RALGPS1: variants seen among roughly 807,000 people sequenced by gnomAD.
RALGPS1 encodes the protein Ral GEF with PH domain and SH3 binding motif 1.
A neutral mutation model predicts 78.8 loss-of-function variants in RALGPS1; 19 were observed. The observed-to-expected ratio is 0.24, with a 90% confidence interval of 0.17 to 0.35. The LOEUF (loss-of-function observed/expected upper bound fraction) is 0.35. Ranked by LOEUF, RALGPS1 falls within the 10% of genes least tolerant of loss-of-function variation. The probability of loss-of-function intolerance (pLI) is 1.00; values close to 1 mark genes in which losing one functional copy is unlikely to be tolerated. For missense variants in RALGPS1, 454 were observed against 688.3 expected (o/e 0.66, Z 3.81); for synonymous variants, 228 against 256.3 (o/e 0.89, Z 1.06).
chr9:126,931,257 A>G (rs1178354564), intron 1 of RALGPS1, among the ~76,000 whole-genome samples: 1 of 151,756 alleles, frequency 6.6e-6, no homozygotes, highest in Non-Finnish European at 1.5e-5. Flanking sequence ...CAGGAAATGT[A>G]ATCTACACTC....
rs1240500328 is a variant in RALGPS1 at position 127,222,479 on chromosome 9, C to A, written c.*3710C>A. On this transcript the variant is annotated 3_prime_UTR_variant, in exon 19 of 19. Coordinates refer to ENST00000259351, the MANE Select transcript of RALGPS1 (RefSeq NM_014636.3). The stretch of plus-strand genomic sequence containing the variant: ...CTCCATAGGTTTCTGTTTTTAATTT[C>A]AATGTTAAATACAACTACAATATGA... The A allele has an allele frequency of 1.3e-5, 2 of 152,206 alleles. No homozygotes were observed. Among genetic ancestry groups the A allele is most frequent in the Admixed American group, 6.5e-5 (1 of 15,286 alleles). The allele number at this position is 152,206 out of a possible 1,614,324, so 9.4% of individuals were successfully genotyped here.
chr9:127,162,847 C>G (rs532017688), intron 8 of RALGPS1, among the ~76,000 whole-genome samples: 1 of 152,288 alleles, frequency 6.6e-6, no homozygotes, highest in South Asian at 2.1e-4. Context: ...AAGGCAACTC[C>G]CTCTGTGTTT....
intron 1 of RALGPS1, among the ~76,000 whole-genome samples, chr9:126,945,267 C>T (rs1041890955): frequency 1.3e-5 from 2 of 152,116 alleles, no homozygotes; most frequent in African/African-American, 2.4e-5. Flanking sequence ...GGCACAATCT[C>T]GGCTCACTGC....
chr9:126,990,011 G>T, intron 4 of RALGPS1: 1 of 1,549,898 alleles, frequency 6.5e-7, no homozygotes, highest in Non-Finnish European at 8.7e-7. Flanking sequence ...TGACCCTCTG[G>T]CCTTTTGTCT....
chr9:126,956,554 A>G (rs1236331221), intron 1 of RALGPS1, among the ~76,000 whole-genome samples: 1 of 152,094 alleles, frequency 6.6e-6, no homozygotes, highest in African/African-American at 2.4e-5. Flanking sequence ...GTAACACACT[A>G]CGGCTGCCAT....
intron 8 of RALGPS1, among the ~76,000 whole-genome samples, chr9:127,135,528 G>A (rs1017219701): frequency 6.6e-6 from 1 of 152,242 alleles, no homozygotes; most frequent in African/African-American, 2.4e-5. Flanking sequence ...AGGAGCCAGG[G>A]CAAAGCCAAA....
At chr9:126,964,365 A>C (rs1364674208) in intron 2 of RALGPS1, among the ~76,000 whole-genome samples, 1 of 135,298 alleles carries the variant, frequency 7.4e-6, no homozygotes, top group Admixed American at 7.7e-5. Flanking sequence ...CGAGACTCCC[A>C]CTCAAAAAAA....
At chr9:126,931,894 ATGTGTCCAGACATTTTTC>A in intron 1 of RALGPS1, among the ~76,000 whole-genome samples, 1 of 152,302 alleles carries the variant, frequency 6.6e-6, no homozygotes, top group East Asian at 1.9e-4. Context: ...TACCTGGGGT[ATGTGTCCAGACATTTTTC>A]TGTGTGTCTG....
intron 7 of RALGPS1, among the ~76,000 whole-genome samples, chr9:127,062,635 G>A (rs890520502): frequency 1.3e-5 from 2 of 152,084 alleles, no homozygotes; most frequent in Admixed American, 1.3e-4. Flanking sequence ...ATTTTATGAG[G>A]CATAATTTGC....
intron 1 of RALGPS1, among the ~76,000 whole-genome samples, chr9:126,940,376 T>C (rs571571061): frequency 6.6e-6 from 1 of 152,058 alleles, no homozygotes; most frequent in African/African-American, 2.4e-5. Context: ...ACATACTGAA[T>C]AGTGTTTATG....
intron 10 of RALGPS1, among the ~76,000 whole-genome samples, chr9:127,173,818 A>G (rs2059690509): frequency 6.6e-6 from 1 of 152,056 alleles, no homozygotes; most frequent in Non-Finnish European, 1.5e-5. Flanking sequence ...TTCGAGACCA[A>G]CCTGGGCAAC....
Position 127,122,067 on chromosome 9 carries a change from G to A in RALGPS1, c.611-44002G>A, listed in dbSNP as rs928884787. Among the ~76,000 whole-genome samples the A allele has an allele frequency of 6.6e-6, 1 of 152,196 alleles. No homozygotes were observed. Among genetic ancestry groups the A allele is most frequent in the Non-Finnish European group, 1.5e-5 (1 of 68,030 alleles). On this transcript the variant is annotated intron_variant, in intron 8 of 18. Transcript: ENST00000259351. This position sits in a 1 kb window ranked among gnomAD's most constrained non-coding sequence, Gnocchi z 6.4. Reference sequence around the variant, plus strand: ...CAAAGGCTCTTTGTCCAAAAGAGGAGAGTGAGGCTTACTCATGAAGTCCTC... The same window carrying A: ...CAAAGGCTCTTTGTCCAAAAGAGGAAAGTGAGGCTTACTCATGAAGTCCTC...
chr9:127,177,559 G>GCCTCAC (rs910117726), intron 11 of RALGPS1, among the ~76,000 whole-genome samples: 1 of 151,394 alleles, frequency 6.6e-6, no homozygotes, highest in African/African-American at 2.4e-5. Flanking sequence ...CTCAGCCTCA[G>GCCTCAC]CCTCAGCCTC....
chr9:127,152,191 C>T (rs1446795822), intron 8 of RALGPS1, among the ~76,000 whole-genome samples: 3 of 152,174 alleles, frequency 2.0e-5, no homozygotes, highest in Non-Finnish European at 1.5e-5. Context: ...TCTTCCAGAT[C>T]CTGGAATAGA....
intron 10 of RALGPS1, among the ~76,000 whole-genome samples, chr9:127,174,299 G>A (rs767561706): frequency 1.5e-5 from 2 of 135,222 alleles, no homozygotes; most frequent in Non-Finnish European, 3.0e-5. Context: ...GAGAAAGAAA[G>A]AGAAAGAAAG....
chr9:126,954,454 A>C (rs978005354), intron 1 of RALGPS1, among the ~76,000 whole-genome samples: 4 of 152,270 alleles, frequency 2.6e-5, no homozygotes, highest in Admixed American at 6.5e-5. Context: ...TGATCTTCCA[A>C]AACAGTGCTG....
chr9:127,084,017 C>A (rs1375729379), intron 8 of RALGPS1, among the ~76,000 whole-genome samples: 1 of 152,000 alleles, frequency 6.6e-6, no homozygotes, highest in Non-Finnish European at 1.5e-5. Flanking sequence ...CTGAAGTGAG[C>A]CTCCCACCTC....
intron 14 of RALGPS1, chr9:127,210,814 A>C (rs1159228746): frequency 6.6e-7 from 1 of 1,508,836 alleles, no homozygotes; most frequent in South Asian, 1.2e-5. Flanking sequence ...TGTTTGACAC[A>C]TAGCTTGTTA....
intron 18 of RALGPS1, among the ~76,000 whole-genome samples, chr9:127,215,667 C>T (rs961177680): frequency 6.6e-6 from 1 of 152,128 alleles, no homozygotes; most frequent in African/African-American, 2.4e-5. Flanking sequence ...TCCCTGGTAA[C>T]CCCTGCAGCT....
Sources: allele counts gnomAD v4.1 joint callset (sites outside exome capture counted in the v4.1 genomes callset), GRCh38; gene constraint gnomAD v4.1.1; non-coding constraint Gnocchi (gnomAD v3.1); transcripts MANE v1.5; gene names NCBI Gene and HGNC (gene_info 2026-07-23, HGNC 2026-07-21).